VPS41: variants seen among roughly 807,000 people sequenced by gnomAD.
VPS41 encodes the protein vacuolar protein sorting-associated protein 41 homolog.
Under a neutral mutation model 130.9 loss-of-function variants are expected in VPS41, and 85 were observed. The observed-to-expected ratio is 0.65, with a 90% confidence interval of 0.55 to 0.78. The LOEUF is 0.78. Ranked by LOEUF, VPS41 falls within the 30% of genes least tolerant of loss-of-function variation. The pLI is 0.00. For missense variants in VPS41, 874 were observed against 1,018.7 expected (o/e 0.86, Z 1.93); for synonymous variants, 335 against 332.9 (o/e 1.01, Z -0.07).
chr7:38,762,466 C>T (rs1364106956), intron 17 of VPS41, among the ~76,000 whole-genome samples: 1 of 152,166 alleles, frequency 6.6e-6, no homozygotes, highest in Non-Finnish European at 1.5e-5. Flanking sequence ...GGCAAAGCTA[C>T]AGGCATATGA....
intron 7 of VPS41, among the ~76,000 whole-genome samples, chr7:38,804,610 T>A (rs994176952): frequency 6.6e-6 from 1 of 152,130 alleles, no homozygotes; most frequent in Non-Finnish European, 1.5e-5. Context: ...GAAAACAAAA[T>A]AAGTTAAACA....
In VPS41 at chr7:38,829,203, A is replaced by C. The variant is rs368796663; in HGVS notation, c.321+1051T>G. Among the ~76,000 whole-genome samples, 7 of 152,338 alleles carry C rather than the reference A, an allele frequency of 4.6e-5. No homozygotes were observed. In the South Asian group the frequency reaches 6.2e-4, roughly 14 times the overall value. ...TAAAATTTGACAGTGCTTTTTGAAA[A>C]GCACTAGTGTTCCAATTACTGTTTC... On this transcript the variant is annotated intron_variant, in intron 5 of 28. Transcript: ENST00000310301.
intron 19 of VPS41, among the ~76,000 whole-genome samples, chr7:38,756,430 GAAATA>G (rs1461584188): frequency 6.6e-6 from 1 of 152,138 alleles, no homozygotes; most frequent in African/African-American, 2.4e-5. Flanking sequence ...TGAACACCAA[GAAATA>G]AAATAGTAAT....
At chr7:38,756,751 C>T (rs1783802036) in intron 19 of VPS41, 87 bp downstream of exon 19, 2 of 1,011,796 alleles carry the variant, frequency 2.0e-6, no homozygotes, top group East Asian at 2.7e-5. Flanking sequence ...GATTCATTCA[C>T]CAATCCAGCA....
chr7:38,743,315 T>C, intron 24 of VPS41, 87 bp downstream of exon 24: 3 of 1,484,986 alleles, frequency 2.0e-6, no homozygotes, highest in Non-Finnish European at 2.8e-6. Context: ...CTTAACCCAA[T>C]GTATCTTGAA....
At chr7:38,882,975 G>A (rs1786645126) in intron 2 of VPS41, among the ~76,000 whole-genome samples, 1 of 152,150 alleles carries the variant, frequency 6.6e-6, no homozygotes, top group Admixed American at 6.5e-5. Flanking sequence ...AGGCACAGTG[G>A]CTCATGCCTG....
intron 18 of VPS41, among the ~76,000 whole-genome samples, chr7:38,757,643 G>T (rs1783826108): frequency 6.6e-6 from 1 of 152,084 alleles, no homozygotes; most frequent in Non-Finnish European, 1.5e-5. Flanking sequence ...AGAGTTCTAG[G>T]TCATTTTGGT....
chr7:38,803,232 C>T (rs925249608), intron 7 of VPS41, among the ~76,000 whole-genome samples: 1 of 152,202 alleles, frequency 6.6e-6, no homozygotes, highest in African/African-American at 2.4e-5. Flanking sequence ...GGTCACCTAA[C>T]GCCCATCATT....
intron 7 of VPS41, among the ~76,000 whole-genome samples, chr7:38,815,672 T>C (rs1310821872): frequency 2.6e-5 from 4 of 152,090 alleles, no homozygotes; most frequent in Non-Finnish European, 5.9e-5. Flanking sequence ...ATGGGCACAA[T>C]CTAATCTAAT....
At chr7:38,870,067 G>A (rs1786317366) in intron 2 of VPS41, among the ~76,000 whole-genome samples, 1 of 152,108 alleles carries the variant, frequency 6.6e-6, no homozygotes. Flanking sequence ...ACTAATTCTG[G>A]GTGTAGGACA....
intron 4 of VPS41, among the ~76,000 whole-genome samples, chr7:38,836,859 A>C (rs1487887997): frequency 6.6e-6 from 1 of 152,214 alleles, no homozygotes; most frequent in Admixed American, 6.5e-5. Context: ...CTGATAATTC[A>C]AATTTGGAAA....
chr7:38,758,552 A>C, intron 17 of VPS41, 71 bp from the exon 18 acceptor site: 2 of 1,459,776 alleles, frequency 1.4e-6, no homozygotes, highest in Non-Finnish European at 1.9e-6. Flanking sequence ...TGTGAAATAT[A>C]CATTTGGTCC....
intron 10 of VPS41, among the ~76,000 whole-genome samples, chr7:38,782,749 A>C (rs1431530107): frequency 6.6e-6 from 1 of 152,236 alleles, no homozygotes; most frequent in Non-Finnish European, 1.5e-5. Context: ...TATGATTGGT[A>C]TAAAAATTAA....
At chr7:38,843,304 G>A (rs1057359619) in intron 4 of VPS41, among the ~76,000 whole-genome samples, 10 of 152,104 alleles carry the variant, frequency 6.6e-5, no homozygotes, top group Admixed American at 1.3e-4. Flanking sequence ...TCATGTCCCC[G>A]TGACACTAAT....
chr7:38,881,611 C>T (rs896694477), intron 2 of VPS41, among the ~76,000 whole-genome samples: 2 of 152,234 alleles, frequency 1.3e-5, no homozygotes, highest in East Asian at 1.9e-4. Context: ...AATAAAAAAA[C>T]TTCTCATTTG....
intron 11 of VPS41, among the ~76,000 whole-genome samples, chr7:38,774,993 C>T (rs1404325873): frequency 6.6e-6 from 1 of 152,024 alleles, no homozygotes; most frequent in Non-Finnish European, 1.5e-5. Flanking sequence ...GGAATAATGC[C>T]CATGAAAACA....
chr7:38,745,056 T>C (rs569857361), intron 23 of VPS41, among the ~76,000 whole-genome samples: 1 of 152,314 alleles, frequency 6.6e-6, no homozygotes, highest in South Asian at 2.1e-4. Flanking sequence ...TTTCTTGGTA[T>C]GCATGGTACA....
In VPS41 at chr7:38,740,427, C is replaced by T. The variant is rs187241530; in HGVS notation, c.2259+1558G>A. ...ACGTCACCTTTCTGGATTCCTAGGG[C>T]GTGGCATGAAAAGCCAGCTCCTCAC... is the stretch of plus-strand genomic sequence containing the variant. On this transcript the variant is annotated intron_variant, in intron 25 of 28. Transcript: ENST00000310301. 4.5e-3 allele frequency among the ~76,000 whole-genome samples: 684 copies of T among 152,214 alleles called. 4 individuals are homozygous for T. Among genetic ancestry groups the T allele is most frequent in the African/African-American group, 0.016 (659 of 41,528 alleles).
intron 18 of VPS41, among the ~76,000 whole-genome samples, chr7:38,757,758 C>T (rs1369307353): frequency 1.3e-5 from 2 of 152,110 alleles, no homozygotes; most frequent in Admixed American, 6.5e-5. Flanking sequence ...GTCGTCTTGG[C>T]TAGACCTGCA....
Sources: gnomAD v4.1 joint callset for allele counts (sites outside exome capture counted in the v4.1 genomes callset) on GRCh38, gnomAD v4.1.1 for gene constraint, MANE v1.5 for transcripts, NCBI Gene and HGNC (gene_info 2026-07-23, HGNC 2026-07-21) for gene names.